The following NCOA7 variants were observed in gnomAD, a reference collection of about 807,000 sequenced individuals.
NCOA7 encodes the protein 140 kDa estrogen receptor-associated protein.
NCOA7 carries 45 observed loss-of-function variants against 104.3 expected under a neutral mutation model. The observed-to-expected ratio is 0.43, with a 90% CI of 0.34 to 0.55. The LOEUF (loss-of-function observed/expected upper bound fraction) is 0.55. NCOA7 is among the 20% of genes least tolerant of loss of function. NCOA7 has a pLI of 0.02. For synonymous variants in NCOA7, 398 were observed against 402.3 expected (o/e 0.99, Z 0.13); for missense variants, 1,041 against 1,119.7 (o/e 0.93, Z 1.00).
chr6:125,874,594 C>G (rs1783206277), intron 3 of NCOA7, among the ~76,000 whole-genome samples: 1 of 152,202 alleles, frequency 6.6e-6, no homozygotes, highest in Non-Finnish European at 1.5e-5. Flanking sequence ...TATATGGTAA[C>G]TCTACTGGTT....
At chr6:125,818,055 C>A (rs1583289181) in intron 2 of NCOA7, among the ~76,000 whole-genome samples, 1 of 151,426 alleles carries the variant, frequency 6.6e-6, no homozygotes, top group East Asian at 1.9e-4. Context: ...TCCTCCTCCC[C>A]CTTCCCGCTT....
rs761899386 is a variant in NCOA7, at chr6:125,920,976, A to G, written c.2278A>G (p.Ser760Gly). Reference protein sequence around the residue: ...ITVEEAKRRKSTCSYYEDEDE... With the variant: ...ITVEEAKRRKGTCSYYEDEDE... ...TGTTGAAGAGGCAAAGCGCAGGAAGAGCACATGCAGCTACTATGAAGACGA... is the reference window on the plus strand; with the variant it reads ...TGTTGAAGAGGCAAAGCGCAGGAAGGGCACATGCAGCTACTATGAAGACGA... The change falls in exon 12 of 16, where the codon AGC becomes GGC. Residue 760 changes from serine (S) to glycine (G), a missense_variant. By Grantham distance (56) the Ser-to-Gly change is moderately conservative. Coordinates refer to ENST00000392477, the MANE Select transcript of NCOA7 (RefSeq NM_181782.5). The G allele has an allele frequency of 1.9e-6, 3 of 1,613,796 alleles. No homozygotes were observed. The highest frequency in any genetic ancestry group is 1.7e-5 in the Admixed American group (1 of 60,020).
chr6:125,802,969 TG>T (rs1257770896), intron 1 of NCOA7, among the ~76,000 whole-genome samples: 1 of 152,240 alleles, frequency 6.6e-6, no homozygotes, highest in Admixed American at 6.5e-5. Context: ...AACCCACGTT[TG>T]TGTATTTACC....
chr6:125,809,324 A>G (rs1053252491), intron 1 of NCOA7, among the ~76,000 whole-genome samples: 8 of 152,096 alleles, frequency 5.3e-5, no homozygotes, highest in African/African-American at 1.9e-4. Context: ...CTGGGACACC[A>G]GGCATGTGCC....
chr6:125,895,786 A>G (rs1302289583), intron 10 of NCOA7, among the ~76,000 whole-genome samples: 1 of 151,926 alleles, frequency 6.6e-6, no homozygotes, highest in Non-Finnish European at 1.5e-5. Flanking sequence ...AAGCACCCAG[A>G]TCTCGGGAGA....
intron 10 of NCOA7, among the ~76,000 whole-genome samples, chr6:125,908,484 T>A (rs962112871): frequency 6.6e-6 from 1 of 152,152 alleles, no homozygotes; most frequent in Admixed American, 6.5e-5. Context: ...GAGAAAGGGA[T>A]GTTGTCTTTT....
Position 125,855,018 on chromosome 6 carries a change from A to G in NCOA7, c.51-2A>G. 6.3e-7 allele frequency: 1 copy of G among 1,594,204 alleles called. No homozygotes were observed. The highest frequency in any genetic ancestry group is 8.5e-7 in the Non-Finnish European group (1 of 1,173,204). ...TTTTTCTTTTTTTTCCCTCTTTCCTAGACTGAAAAAGAAAAAACAAGCCAA... is the reference window on the plus strand; with the variant it reads ...TTTTTCTTTTTTTTCCCTCTTTCCTGGACTGAAAAAGAAAAAACAAGCCAA... On this transcript the variant is annotated splice_acceptor_variant, in intron 2 of 15. Coordinates refer to ENST00000392477, the MANE Select transcript of NCOA7 (RefSeq NM_181782.5). LOFTEE classifies it high-confidence loss of function.
intron 11 of NCOA7, among the ~76,000 whole-genome samples, chr6:125,917,988 C>G (rs987135575): frequency 2.0e-5 from 3 of 152,182 alleles, no homozygotes; most frequent in Non-Finnish European, 4.4e-5. Context: ...AATTTCTAGT[C>G]TGCTCTTGTT....
chr6:125,820,055 T>C (rs627722), intron 2 of NCOA7, among the ~76,000 whole-genome samples: 107,677 of 151,930 alleles, frequency 0.71, 38,370 homozygotes, highest in East Asian at 0.91. Flanking sequence ...AGGTCCCTTG[T>C]TGGCTCCCAC....
At chr6:125,902,481 GTT>G (rs77836389) in intron 10 of NCOA7, among the ~76,000 whole-genome samples, 1 of 144,202 alleles carries the variant, frequency 6.9e-6, no homozygotes. Flanking sequence ...TCATAGCCAT[GTT>G]TTTTTTTTTT....
At chr6:125,898,934 G>T (rs915308857) in intron 10 of NCOA7, among the ~76,000 whole-genome samples, 1 of 152,028 alleles carries the variant, frequency 6.6e-6, no homozygotes, top group African/African-American at 2.4e-5. Flanking sequence ...TTGTTACAGA[G>T]AACTAACTAC....
chr6:125,860,680 TCTTAAA>T (rs1238190792), intron 3 of NCOA7, among the ~76,000 whole-genome samples: 1 of 152,208 alleles, frequency 6.6e-6, no homozygotes, highest in African/African-American at 2.4e-5. Flanking sequence ...ATTCATTATT[TCTTAAA>T]CTTAGAATAG....
chr6:125,831,485 T>G (rs80280901), intron 2 of NCOA7, among the ~76,000 whole-genome samples: 1 of 146,028 alleles, frequency 6.8e-6, no homozygotes, highest in South Asian at 2.2e-4. Flanking sequence ...GGTTTGTTTG[T>G]TTTTTTTTTT....
chr6:125,837,018 G>A (rs1199756500), intron 2 of NCOA7, among the ~76,000 whole-genome samples: 1 of 152,140 alleles, frequency 6.6e-6, no homozygotes, highest in East Asian at 1.9e-4. Flanking sequence ...AGGTCTTGGG[G>A]TAGTTATCTC....
At chr6:125,888,301 A>T (rs1427507152) in intron 8 of NCOA7, among the ~76,000 whole-genome samples, 1 of 152,234 alleles carries the variant, frequency 6.6e-6, no homozygotes, top group Non-Finnish European at 1.5e-5. Flanking sequence ...AAATTATAAG[A>T]TGGAGCAACT....
intron 8 of NCOA7, among the ~76,000 whole-genome samples, chr6:125,886,567 A>G (rs1784279849): frequency 6.6e-6 from 1 of 152,244 alleles, no homozygotes; most frequent in African/African-American, 2.4e-5. Flanking sequence ...GTTAAGAATC[A>G]GCTTCTAATT....
chr6:125,838,601 G>A (rs901374232), intron 2 of NCOA7, among the ~76,000 whole-genome samples: 1 of 152,004 alleles, frequency 6.6e-6, no homozygotes, highest in African/African-American at 2.4e-5. Context: ...CTTCACTAGA[G>A]GTGTTCTCTG....
chr6:125,832,081 TCA>T (rs1244047442), intron 2 of NCOA7, among the ~76,000 whole-genome samples: 1 of 152,262 alleles, frequency 6.6e-6, no homozygotes, highest in East Asian at 1.9e-4. Context: ...GTCAATTCTT[TCA>T]CAGTGTTATC....
In NCOA7 at chr6:125,890,631, G is replaced by A. The variant is rs1294475917; in HGVS notation, c.1928-11G>A. On this transcript the variant is annotated splice_polypyrimidine_tract_variant and intron_variant, in intron 9 of 15. Transcript: ENST00000392477. The stretch of plus-strand genomic sequence containing the variant: ...CAATATTGAGGAACAGTTTTTTCGT[G>A]TGTGATTCAGATATACTTCCTTCAA... 1.3e-6 allele frequency: 2 copies of A among 1,595,540 alleles called. No individual in the cohort carries two copies.
Sources: gnomAD v4.1 joint callset for allele counts (sites outside exome capture counted in the v4.1 genomes callset) on GRCh38, gnomAD v4.1.1 for gene constraint, MANE v1.5 for transcripts, NCBI Gene and HGNC (gene_info 2026-07-23, HGNC 2026-07-21) for gene names.